The following IGF2BP2 variants were observed in gnomAD, a reference collection of about 807,000 sequenced individuals.
IGF2BP2 encodes the protein insulin-like growth factor 2 mRNA-binding protein 2.
IGF2BP2 carries 17 observed loss-of-function variants against 75.8 expected under a neutral mutation model. The observed-to-expected ratio is 0.22, with a 90% CI of 0.15 to 0.34. IGF2BP2 has a LOEUF of 0.34. Among genes scored for constraint, IGF2BP2 ranks in the 10% least tolerant of loss-of-function variants. IGF2BP2 has a pLI of 1.00. For missense variants in IGF2BP2, 516 were observed against 772.4 expected (o/e 0.67, Z 3.93); for synonymous variants, 288 against 295.6 (o/e 0.97, Z 0.26).
intron 2 of IGF2BP2, among the ~76,000 whole-genome samples, chr3:185,720,813 G>A (rs1350105766): frequency 6.6e-6 from 1 of 152,248 alleles, no homozygotes; most frequent in Non-Finnish European, 1.5e-5. Flanking sequence ...CTGCATGTGA[G>A]GGCTGGTGTC....
chr3:185,648,924 G>A (rs1343125293), intron 14 of IGF2BP2, among the ~76,000 whole-genome samples: 2 of 152,130 alleles, frequency 1.3e-5, no homozygotes, highest in African/African-American at 2.4e-5. Flanking sequence ...TGTCAGGAGG[G>A]CTGAGAGTCA....
chr3:185,819,575 T>C (rs1223759955), intron 2 of IGF2BP2, among the ~76,000 whole-genome samples: 1 of 150,408 alleles, frequency 6.6e-6, no homozygotes, highest in African/African-American at 2.5e-5. Flanking sequence ...TGTGAAAAAA[T>C]TACTAACTTT....
chr3:185,763,003 G>A (rs1732582093), intron 2 of IGF2BP2, among the ~76,000 whole-genome samples: 1 of 152,078 alleles, frequency 6.6e-6, no homozygotes, highest in African/African-American at 2.4e-5. Context: ...CTGGATACAG[G>A]GGATCCCAAA....
At chr3:185,757,982 T>C (rs1341171090) in intron 2 of IGF2BP2, among the ~76,000 whole-genome samples, 2 of 152,242 alleles carry the variant, frequency 1.3e-5, no homozygotes, top group East Asian at 1.9e-4. Context: ...ATTAACACTA[T>C]GCTCCAAAAT....
rs143148462 is a variant in IGF2BP2 at position 185,771,075 on chromosome 3, C to A, written c.239+52078G>T. 4.6e-5 allele frequency among the ~76,000 whole-genome samples: 7 copies of A among 152,228 alleles called. No homozygotes were observed. The East Asian group carries it at 1.4e-3, about 29-fold the overall frequency. On this transcript the variant is annotated intron_variant, in intron 2 of 15. Coordinates refer to ENST00000382199, the MANE Select transcript of IGF2BP2 (RefSeq NM_006548.6). ...AAACGGCTTTTAAAAATCCAAAGAA[C>A]AGTCACAGAACTTAAAAAGTAAACA...
intron 2 of IGF2BP2, among the ~76,000 whole-genome samples, chr3:185,784,313 T>G (rs1735592371): frequency 6.6e-6 from 1 of 152,156 alleles, no homozygotes; most frequent in South Asian, 2.1e-4. Flanking sequence ...CAGAGGTCAC[T>G]TTGATCGAAA....
intron 2 of IGF2BP2, among the ~76,000 whole-genome samples, chr3:185,707,274 A>T (rs1578042237): frequency 4.9e-5 from 4 of 81,904 alleles, no homozygotes; most frequent in East Asian, 3.4e-4. Flanking sequence ...TTAAATTTAT[A>T]TTCAGTGTGT....
At chr3:185,820,267 CACACACAT>C (rs1741201683) in intron 2 of IGF2BP2, among the ~76,000 whole-genome samples, 2 of 142,796 alleles carry the variant, frequency 1.4e-5, no homozygotes, top group Admixed American at 6.8e-5. Context: ...CACACACACA[CACACACAT>C]AATTTTTAAG....
intron 2 of IGF2BP2, among the ~76,000 whole-genome samples, chr3:185,765,819 AT>A (rs1732960324): frequency 6.6e-6 from 1 of 152,204 alleles, no homozygotes; most frequent in Non-Finnish European, 1.5e-5. Context: ...TGGTTTTCTA[AT>A]AGGGATGAAG....
chr3:185,711,265 C>T (rs1724755607), intron 2 of IGF2BP2, among the ~76,000 whole-genome samples: 1 of 152,110 alleles, frequency 6.6e-6, no homozygotes, highest in Non-Finnish European at 1.5e-5. Context: ...GATAGAAATC[C>T]AAGATTTCTG....
chr3:185,817,924 G>C (rs1409117325), intron 2 of IGF2BP2, among the ~76,000 whole-genome samples: 1 of 152,132 alleles, frequency 6.6e-6, no homozygotes, highest in Non-Finnish European at 1.5e-5. Context: ...TAATGCTTTT[G>C]ACTGAAAGTT....
At chr3:185,671,492 G>A (rs1468489424) in intron 10 of IGF2BP2, among the ~76,000 whole-genome samples, 2 of 146,698 alleles carry the variant, frequency 1.4e-5, no homozygotes, top group Non-Finnish European at 3.0e-5. Flanking sequence ...AGACAAGATC[G>A]CGCCACTGCA....
At chr3:185,709,275 A>G (rs1280724052) in intron 2 of IGF2BP2, among the ~76,000 whole-genome samples, 1 of 152,214 alleles carries the variant, frequency 6.6e-6, no homozygotes, top group Non-Finnish European at 1.5e-5. Context: ...AGTTTCCAAA[A>G]AATTGTTCTC....
intron 2 of IGF2BP2, among the ~76,000 whole-genome samples, chr3:185,743,581 T>G (rs1158500238): frequency 6.6e-6 from 1 of 152,210 alleles, no homozygotes; most frequent in East Asian, 1.9e-4. Context: ...TGGCCTATAT[T>G]TTAATTATTT....
intron 2 of IGF2BP2, among the ~76,000 whole-genome samples, chr3:185,733,812 A>G (rs1185684631): frequency 6.6e-6 from 1 of 152,162 alleles, no homozygotes; most frequent in Admixed American, 6.5e-5. Flanking sequence ...AGTAAATGCA[A>G]CAAGCACATT....
At chr3:185,807,934 A>G (rs534135985) in intron 2 of IGF2BP2, among the ~76,000 whole-genome samples, 4 of 152,292 alleles carry the variant, frequency 2.6e-5, no homozygotes, top group Admixed American at 2.6e-4. Context: ...CAATCCAGCT[A>G]AAGTGCTGAC....
At chr3:185,787,316 G>GA (rs1162350945) in intron 2 of IGF2BP2, among the ~76,000 whole-genome samples, 2 of 151,734 alleles carry the variant, frequency 1.3e-5, no homozygotes, top group Middle Eastern at 3.4e-3. Flanking sequence ...TTACCACAAT[G>GA]AAAAAAATCA....
chr3:185,815,732 AT>A (rs1002642909), intron 2 of IGF2BP2, among the ~76,000 whole-genome samples: 1 of 150,812 alleles, frequency 6.6e-6, no homozygotes, highest in African/African-American at 2.4e-5. Context: ...TCTTTCACCT[AT>A]TTTTTTTTCC....
chr3:185,777,090 G>GA lies in IGF2BP2; in HGVS notation c.239+46062dup, dbSNP rs200888060. ...CTCTGAGCTTCCTAGTGGCCAAAGTGAAAAGAGAGATAGTTGCCTCCAAAA... is the reference window on the plus strand; with the variant it reads ...CTCTGAGCTTCCTAGTGGCCAAAGTGAAAAAGAGAGATAGTTGCCTCCAAAA... On this transcript the variant is annotated intron_variant, in intron 2 of 15. Coordinates refer to ENST00000382199, the MANE Select transcript of IGF2BP2 (RefSeq NM_006548.6). Among the ~76,000 whole-genome samples the GA allele has an allele frequency of 2.6e-3, 395 of 152,296 alleles. 5 individuals are homozygous for GA. The East Asian group carries it at 0.04, about 15-fold the overall frequency.
Sources: gnomAD v4.1 joint callset for allele counts (sites outside exome capture counted in the v4.1 genomes callset) on GRCh38, gnomAD v4.1.1 for gene constraint, MANE v1.5 for transcripts, NCBI Gene and HGNC (gene_info 2026-07-23, HGNC 2026-07-21) for gene names.